The following KICS2 variants were observed in gnomAD, a reference collection of about 807,000 sequenced individuals.
KICS2 encodes KICSTOR complex protein C12orf66.
KICS2 carries 13 observed loss-of-function variants against 31.4 expected under a neutral mutation model. That is an observed-to-expected ratio of 0.41 (90% confidence interval 0.27 to 0.66). KICS2 has a LOEUF of 0.66. Among genes scored for constraint, KICS2 ranks in the 30% least tolerant of loss-of-function variants. The pLI is 0.28. For synonymous variants in KICS2, 209 were observed against 214.8 expected, an observed-to-expected ratio of 0.97 and a Z score of 0.24; for missense variants, 455 against 545.4, an observed-to-expected ratio of 0.83 and a Z score of 1.65.
At chr12:64,213,113 AAAAG>A (rs2037599002) in intron 2 of KICS2, among the ~76,000 whole-genome samples, 1 of 152,032 alleles carries the variant, frequency 6.6e-6, no homozygotes, top group South Asian at 2.1e-4. Context: ...AAAGAAAAGA[AAAAG>A]AAAGAAAGAA....
downstream of KICS2, chr12:64,186,632 T>TA (rs922876209): frequency 1.3e-5 from 2 of 152,204 alleles, no homozygotes; most frequent in African/African-American, 4.8e-5. Context: ...GATATTCTTT[T>TA]AAAAAATCAA....
At chr12:64,210,197 T>C (rs1241652968) in intron 2 of KICS2, among the ~76,000 whole-genome samples, 1 of 152,222 alleles carries the variant, frequency 6.6e-6, no homozygotes, top group Admixed American at 6.5e-5. Flanking sequence ...CTAATTTAGA[T>C]CATTTTCAGG....
chr12:64,211,281 A>G (rs1565719032), intron 2 of KICS2, among the ~76,000 whole-genome samples: 1 of 152,220 alleles, frequency 6.6e-6, no homozygotes, highest in Non-Finnish European at 1.5e-5. Flanking sequence ...AAGTAAGCAT[A>G]TATTTATATG....
At chr12:64,206,229 A>G (rs1209070173) in intron 2 of KICS2, among the ~76,000 whole-genome samples, 1 of 152,068 alleles carries the variant, frequency 6.6e-6, no homozygotes, top group Non-Finnish European at 1.5e-5. Context: ...CAAAATGATA[A>G]ATTTTTTTTT....
intron 1 of KICS2, among the ~76,000 whole-genome samples, chr12:64,218,862 T>C (rs544337944): frequency 2.0e-4 from 30 of 152,322 alleles, no homozygotes; most frequent in African/African-American, 5.3e-4. Context: ...AAGGAAGAGA[T>C]AGACCATCAA....
At chr12:64,206,691 T>C (rs994895482) in intron 2 of KICS2, among the ~76,000 whole-genome samples, 6 of 152,156 alleles carry the variant, frequency 3.9e-5, no homozygotes, top group African/African-American at 1.4e-4. Flanking sequence ...TACATACAAA[T>C]GGAATATTGT....
In KICS2 at chr12:64,193,846, C is replaced by T. The variant is rs1348308001; in HGVS notation, c.1334G>A (p.Gly445Asp). The T allele has an allele frequency of 7.4e-6, 12 of 1,611,672 alleles. No homozygotes were observed. Among genetic ancestry groups the T allele is most frequent in the Non-Finnish European group, 1.0e-5 (12 of 1,178,744 alleles). The change falls in exon 3 of 3, where the codon GGT becomes GAT. Residue 445 changes from glycine to aspartate, a missense_variant. Gly to Asp is a moderately conservative substitution (Grantham distance 94, BLOSUM62 -1). Coordinates refer to ENST00000398055, the MANE Select transcript of KICS2 (RefSeq NM_152440.5). The part of the protein sequence containing the change: ...VFASLKPGAK[G>D] ...CCCCTCCACGCAAATCACCTGCTAA[C>T]CTTTGGCTCCAGGTTTCAGACTTGC...
At chr12:64,202,249 T>C (rs889707072) in intron 2 of KICS2, among the ~76,000 whole-genome samples, 1 of 151,976 alleles carries the variant, frequency 6.6e-6, no homozygotes, top group African/African-American at 2.4e-5. Flanking sequence ...CTACAAAACA[T>C]TCAAAAATTA....
chr12:64,190,011 T>C (rs996575540), downstream of KICS2, among the ~76,000 whole-genome samples: 4 of 152,132 alleles, frequency 2.6e-5, no homozygotes, highest in African/African-American at 9.7e-5. Context: ...AAAATGATGC[T>C]ATCAACCAAC....
chr12:64,189,394 A>G (rs2037362555), downstream of KICS2, among the ~76,000 whole-genome samples: 2 of 152,178 alleles, frequency 1.3e-5, no homozygotes, highest in African/African-American at 4.8e-5. Flanking sequence ...AATAAAATAT[A>G]CAACACCACT....
rs35532711 is a variant in KICS2, at chr12:64,207,301, C to CAAA, written c.521+8374_521+8376dup. 3.4e-3 allele frequency among the ~76,000 whole-genome samples: 193 copies of CAAA among 57,322 alleles called. 4 individuals carry two copies. Among genetic ancestry groups the CAAA allele is most frequent in the African/African-American group, 0.011 (172 of 15,192 alleles). 37.6% of individuals were successfully genotyped at this position (57,322 alleles called of 152,430 possible). On this transcript the variant is annotated intron_variant, in intron 2 of 2. Coordinates refer to ENST00000398055, the MANE Select transcript of KICS2 (RefSeq NM_152440.5). ...CCAAGGTGATAGAGCCAACTCGTCT[C>CAAA]AAAAAAAAAAAAAAAAAAAAAAAAG... is the stretch of plus-strand genomic sequence containing the variant.
At chr12:64,218,808 C>T (rs933292971) in intron 1 of KICS2, among the ~76,000 whole-genome samples, 10 of 151,958 alleles carry the variant, frequency 6.6e-5, no homozygotes, top group East Asian at 1.9e-4. Flanking sequence ...TATCGGTAAA[C>T]GCTAATCACC....
At chr12:64,199,669 G>GT (rs1225847796) in intron 2 of KICS2, among the ~76,000 whole-genome samples, 2 of 146,592 alleles carry the variant, frequency 1.4e-5, no homozygotes, top group Non-Finnish European at 3.0e-5. Context: ...AATTGTCCCT[G>GT]TTTGCAGATG....
chr12:64,208,576 T>C (rs564195291), intron 2 of KICS2, among the ~76,000 whole-genome samples: 53 of 152,318 alleles, frequency 3.5e-4, no homozygotes, highest in Non-Finnish European at 5.7e-4. Context: ...AATGTCTTAT[T>C]AACAGCCTTA....
intron 2 of KICS2, among the ~76,000 whole-genome samples, chr12:64,203,070 A>C (rs1023963105): frequency 2.0e-5 from 3 of 152,134 alleles, no homozygotes; most frequent in African/African-American, 7.2e-5. Context: ...ACAATTTCTC[A>C]GGAAAACAGA....
At chr12:64,216,829 T>C (rs1284297986) in intron 1 of KICS2, among the ~76,000 whole-genome samples, 3 of 152,164 alleles carry the variant, frequency 2.0e-5, no homozygotes, top group African/African-American at 7.2e-5. Flanking sequence ...GCCAGCTTCA[T>C]GGATGTTCCC....
At chr12:64,207,289 G>C (rs1439874256) in intron 2 of KICS2, among the ~76,000 whole-genome samples, 2 of 105,772 alleles carry the variant, frequency 1.9e-5, no homozygotes, top group African/African-American at 7.7e-5. Context: ...AGGTGATAGA[G>C]CCAACTCGTC....
intron 2 of KICS2, among the ~76,000 whole-genome samples, chr12:64,195,464 G>GA (rs1372816078): frequency 6.6e-6 from 1 of 152,018 alleles, no homozygotes; most frequent in Non-Finnish European, 1.5e-5. Context: ...AGCTTATATG[G>GA]AAAACACAGT....
At chr12:64,213,398 T>A (rs1208409202) in intron 2 of KICS2, among the ~76,000 whole-genome samples, 1 of 152,198 alleles carries the variant, frequency 6.6e-6, no homozygotes, top group Non-Finnish European at 1.5e-5. Flanking sequence ...CTAAGCTGTA[T>A]GACTCTAAGC....
Sources: allele counts gnomAD v4.1 joint callset (sites outside exome capture counted in the v4.1 genomes callset), GRCh38; gene constraint gnomAD v4.1.1; transcripts MANE v1.5; gene names NCBI Gene and HGNC (gene_info 2026-07-23, HGNC 2026-07-21).